The following HCN1 variants were observed in gnomAD, a reference collection of about 807,000 sequenced individuals.
HCN1 encodes the protein hyperpolarization activated cyclic nucleotide gated potassium channel 1.
Under a neutral mutation model 78.9 loss-of-function variants are expected in HCN1, and 13 were observed. The ratio of observed to expected loss-of-function variants is 0.16; its 90% confidence interval spans 0.11 to 0.26. HCN1 has a LOEUF of 0.26. HCN1 is among the 10% of genes least tolerant of loss of function. The probability of loss-of-function intolerance (pLI) is 1.00; values close to 1 mark genes in which losing one functional copy is unlikely to be tolerated. For synonymous variants in HCN1, 552 were observed against 455.5 expected, an observed-to-expected ratio of 1.21 and a Z score of -2.70; for missense variants, 810 against 1,154.3, an observed-to-expected ratio of 0.70 and a Z score of 4.32.
intron 3 of HCN1, among the ~76,000 whole-genome samples, chr5:45,406,026 A>AT (rs987771801): frequency 6.6e-6 from 1 of 152,046 alleles, no homozygotes; most frequent in South Asian, 2.1e-4. Flanking sequence ...ATTTTTTCTT[A>AT]TTTTTTTGAT....
intron 2 of HCN1, among the ~76,000 whole-genome samples, chr5:45,624,313 C>G (rs937743876): frequency 1.3e-5 from 2 of 152,208 alleles, no homozygotes; most frequent in South Asian, 4.1e-4. Flanking sequence ...TATGGTGGCT[C>G]CATACAATAG....
chr5:45,290,926 T>C (rs928715542), intron 6 of HCN1, among the ~76,000 whole-genome samples: 5 of 152,074 alleles, frequency 3.3e-5, no homozygotes, highest in Non-Finnish European at 5.9e-5. Context: ...TAATTTGGTT[T>C]CAAATGTCTT....
At chr5:45,448,241 T>C (rs1026070992) in intron 3 of HCN1, among the ~76,000 whole-genome samples, 2 of 152,230 alleles carry the variant, frequency 1.3e-5, no homozygotes, top group Non-Finnish European at 2.9e-5. Flanking sequence ...CTCTAATATA[T>C]GACCATCTTA....
intron 2 of HCN1, among the ~76,000 whole-genome samples, chr5:45,609,790 TATAAC>T (rs1744798088): frequency 6.6e-6 from 1 of 152,122 alleles, no homozygotes; most frequent in African/African-American, 2.4e-5. Flanking sequence ...ATCACAGTGT[TATAAC>T]ATGCAGGAGA....
At chr5:45,478,597 A>G (rs1326125929) in intron 2 of HCN1, among the ~76,000 whole-genome samples, 2 of 152,198 alleles carry the variant, frequency 1.3e-5, no homozygotes, top group East Asian at 3.8e-4. Flanking sequence ...TCACAGTGAG[A>G]GAGATCAACC....
At chr5:45,375,238 A>T (rs1463912091) in intron 4 of HCN1, among the ~76,000 whole-genome samples, 5 of 120,154 alleles carry the variant, frequency 4.2e-5, no homozygotes, top group Non-Finnish European at 7.9e-5. Flanking sequence ...TATAATATAT[A>T]ATATATTATA....
At chr5:45,512,592 A>T (rs1281969186) in intron 2 of HCN1, among the ~76,000 whole-genome samples, 1 of 152,062 alleles carries the variant, frequency 6.6e-6, no homozygotes, top group Admixed American at 6.6e-5. Flanking sequence ...TGCCCCATGA[A>T]TATTTTTATT....
At chr5:45,552,607 A>G (rs918873314) in intron 2 of HCN1, among the ~76,000 whole-genome samples, 2 of 151,964 alleles carry the variant, frequency 1.3e-5, no homozygotes, top group Non-Finnish European at 2.9e-5. Flanking sequence ...CTGGAAATGT[A>G]ACATCTGAAA....
chr5:45,602,033 G>A (rs1177851161), intron 2 of HCN1, among the ~76,000 whole-genome samples: 1 of 152,034 alleles, frequency 6.6e-6, no homozygotes, highest in Non-Finnish European at 1.5e-5. Context: ...TTTATAAGGG[G>A]CTTCCCGCTT....
chr5:45,593,718 A>C (rs952340949), intron 2 of HCN1, among the ~76,000 whole-genome samples: 40 of 151,932 alleles, frequency 2.6e-4, no homozygotes, highest in African/African-American at 9.4e-4. Flanking sequence ...TCTTTTGCCC[A>C]GGCTGGAGTG....
chr5:45,693,148 T>C (rs904221867), intron 1 of HCN1, among the ~76,000 whole-genome samples: 13 of 152,176 alleles, frequency 8.5e-5, no homozygotes, highest in Admixed American at 8.5e-4. Flanking sequence ...CCTTTCCCTG[T>C]AGAAAAAAAC....
At chr5:45,412,616 G>A (rs1449178830) in intron 3 of HCN1, among the ~76,000 whole-genome samples, 1 of 152,074 alleles carries the variant, frequency 6.6e-6, no homozygotes, top group Non-Finnish European at 1.5e-5. Flanking sequence ...ACATAAGAAA[G>A]TAAAATCAAT....
At chr5:45,561,627 C>T (rs1177330921) in intron 2 of HCN1, among the ~76,000 whole-genome samples, 1 of 150,844 alleles carries the variant, frequency 6.6e-6, no homozygotes, top group Non-Finnish European at 1.5e-5. Context: ...TAAGACGAGT[C>T]TCTTTGTTAT....
intron 2 of HCN1, among the ~76,000 whole-genome samples, chr5:45,561,682 T>A (rs17340501): frequency 1.7e-3 from 261 of 152,120 alleles, no homozygotes; most frequent in African/African-American, 5.6e-3. Flanking sequence ...TAAGGAGATA[T>A]CTCAGGATGG....
At chr5:45,307,592 A>C (rs942953131) in intron 5 of HCN1, among the ~76,000 whole-genome samples, 17 of 152,102 alleles carry the variant, frequency 1.1e-4, no homozygotes, top group African/African-American at 3.9e-4. Context: ...AACCATCAGC[A>C]AACCCAAATT....
intron 2 of HCN1, among the ~76,000 whole-genome samples, chr5:45,629,915 T>C (rs1745239444): frequency 1.3e-5 from 2 of 152,172 alleles, no homozygotes; most frequent in Admixed American, 1.3e-4. Flanking sequence ...GGTACTTCCA[T>C]TAATGGAGTA....
intron 3 of HCN1, among the ~76,000 whole-genome samples, chr5:45,422,671 TAA>T (rs570045748): frequency 6.6e-6 from 1 of 152,350 alleles, no homozygotes; most frequent in South Asian, 2.1e-4. Context: ...CCCACTTTTC[TAA>T]ACTAATCAAA....
At chr5:45,551,422 TAA>T (rs1342752624) in intron 2 of HCN1, among the ~76,000 whole-genome samples, 1 of 151,784 alleles carries the variant, frequency 6.6e-6, no homozygotes, top group African/African-American at 2.4e-5. Context: ...TCCAAGAGTT[TAA>T]GTTTCTAGAC....
At chr5:45,303,013 T>C (rs1027500021) in intron 6 of HCN1, among the ~76,000 whole-genome samples, 2 of 152,076 alleles carry the variant, frequency 1.3e-5, no homozygotes, top group Admixed American at 6.6e-5. Context: ...TGAACTAATA[T>C]AGAAACAATA....
Sources: gnomAD v4.1 joint callset for allele counts (sites outside exome capture counted in the v4.1 genomes callset) on GRCh38, gnomAD v4.1.1 for gene constraint, MANE v1.5 for transcripts, NCBI Gene and HGNC (gene_info 2026-07-23, HGNC 2026-07-21) for gene names.